Variants in PDE1C observed in about 807,000 individuals in gnomAD.
The protein encoded by PDE1C is phosphodiesterase 1C.
In PDE1C, 62 loss-of-function variants were observed where a neutral mutation model predicts 93.1. The observed-to-expected ratio is 0.67, with a 90% CI of 0.54 to 0.82. The LOEUF is 0.82. Among genes scored for constraint, PDE1C ranks in the 40% least tolerant of loss-of-function variants. The pLI, the probability that PDE1C is intolerant of heterozygous loss-of-function variation, is 0.00. For missense variants in PDE1C, 742 were observed against 884.6 expected (o/e 0.84, Z 2.04); for synonymous variants, 325 against 310.1 (o/e 1.05, Z -0.50).
intron 2 of PDE1C, among the ~76,000 whole-genome samples, chr7:31,884,493 C>G (rs1048307509): frequency 6.6e-6 from 1 of 152,146 alleles, no homozygotes; most frequent in African/African-American, 2.4e-5. Flanking sequence ...TGGTGACCAG[C>G]TTTGTATATA....
At chr7:32,330,209 T>C (rs1378368394) in intron 1 of PDE1C, among the ~76,000 whole-genome samples, 14 of 152,230 alleles carry the variant, frequency 9.2e-5, no homozygotes, top group Admixed American at 7.2e-4. Flanking sequence ...ATGTAGGCAT[T>C]GTCTCCATTT....
At chr7:31,857,783 A>G (rs1794203477) in intron 7 of PDE1C, among the ~76,000 whole-genome samples, 1 of 152,198 alleles carries the variant, frequency 6.6e-6, no homozygotes, top group African/African-American at 2.4e-5. Context: ...AACAAATAGC[A>G]TATTCCCCAT....
chr7:31,792,342 T>G (rs1405196549), intron 16 of PDE1C, among the ~76,000 whole-genome samples: 1 of 152,018 alleles, frequency 6.6e-6, no homozygotes, highest in African/African-American at 2.4e-5. Flanking sequence ...TAGCATATGC[T>G]CAACAATATT....
intron 3 of PDE1C, among the ~76,000 whole-genome samples, chr7:32,137,366 T>C (rs757714367): frequency 6.5e-4 from 99 of 152,240 alleles, no homozygotes; most frequent in Non-Finnish European, 1.1e-3. Flanking sequence ...CAGCACCTTT[T>C]GAGTCCATGC....
chr7:31,833,827 A>G (rs558994595), intron 11 of PDE1C, among the ~76,000 whole-genome samples: 4 of 152,342 alleles, frequency 2.6e-5, no homozygotes, highest in African/African-American at 9.6e-5. Context: ...ATAGAAAAGA[A>G]AAACCCATTT....
intron 3 of PDE1C, among the ~76,000 whole-genome samples, chr7:32,121,524 C>T (rs1799300353): frequency 6.6e-6 from 1 of 152,162 alleles, no homozygotes; most frequent in African/African-American, 2.4e-5. Flanking sequence ...AGACTAACAA[C>T]AGACCTTTCA....
At chr7:32,086,106 C>T (rs1797054526) in intron 3 of PDE1C, among the ~76,000 whole-genome samples, 1 of 150,672 alleles carries the variant, frequency 6.6e-6, no homozygotes, top group African/African-American at 2.5e-5. Context: ...TAGAAAACCC[C>T]ACTGTTTCAG....
At chr7:31,945,177 C>G (rs1398620698) in intron 2 of PDE1C, among the ~76,000 whole-genome samples, 1 of 152,168 alleles carries the variant, frequency 6.6e-6, no homozygotes, top group African/African-American at 2.4e-5. Flanking sequence ...CTGCTCTCAT[C>G]CCATAGGACA....
chr7:32,406,444 G>GGAA (rs1304354736), intron 1 of PDE1C, among the ~76,000 whole-genome samples: 1 of 150,646 alleles, frequency 6.6e-6, no homozygotes, highest in Admixed American at 6.6e-5. Context: ...ATACGAGGGA[G>GGAA]GAAAAAAATG....
At chr7:31,940,909 C>T (rs373657061) in intron 2 of PDE1C, among the ~76,000 whole-genome samples, 2 of 151,974 alleles carry the variant, frequency 1.3e-5, no homozygotes, top group African/African-American at 4.8e-5. Flanking sequence ...CTTTGCTCTG[C>T]CCACCTCAGC....
intron 2 of PDE1C, among the ~76,000 whole-genome samples, chr7:32,018,424 G>A (rs1039049725): frequency 3.3e-5 from 5 of 152,122 alleles, no homozygotes; most frequent in African/African-American, 1.2e-4. Context: ...CAACCACAAT[G>A]TCCATCAATT....
intron 1 of PDE1C, among the ~76,000 whole-genome samples, chr7:32,242,899 G>A (rs1287234327): frequency 1.3e-5 from 2 of 152,192 alleles, no homozygotes; most frequent in Admixed American, 6.5e-5. Context: ...GAGAGAATGA[G>A]AGCTGTACAA....
At chr7:32,081,016 G>A (rs1289422563) in intron 3 of PDE1C, among the ~76,000 whole-genome samples, 4 of 152,160 alleles carry the variant, frequency 2.6e-5, no homozygotes, top group African/African-American at 7.2e-5. Context: ...GAAACTTAGG[G>A]ACACAATTTA....
At chr7:32,422,176 C>T (rs1051169900) in intron 1 of PDE1C, among the ~76,000 whole-genome samples, 13 of 152,168 alleles carry the variant, frequency 8.5e-5, no homozygotes, top group African/African-American at 3.1e-4. Context: ...CTTGAGAAGG[C>T]TGCTCGTGTC....
chr7:31,770,296 A>G (rs2128621886), intron 17 of PDE1C, among the ~76,000 whole-genome samples: 1 of 152,236 alleles, frequency 6.6e-6, no homozygotes, highest in Middle Eastern at 3.4e-3. Context: ...TTCTGGATAC[A>G]AGATCCTCAT....
At chr7:31,856,321 G>A (rs73686989) in intron 7 of PDE1C, among the ~76,000 whole-genome samples, 224 of 152,340 alleles carry the variant, frequency 1.5e-3, no homozygotes, top group African/African-American at 5.1e-3. Context: ...TTCAAAGAGA[G>A]AGTAGGTAGG....
intron 2 of PDE1C, among the ~76,000 whole-genome samples, chr7:32,196,991 A>G (rs1804669168): frequency 2.0e-5 from 3 of 152,194 alleles, no homozygotes; most frequent in African/African-American, 7.2e-5. Flanking sequence ...AGAAATTATG[A>G]GTCCAGTTTG....
chr7:31,822,279 C>T (rs1583473731), intron 14 of PDE1C, among the ~76,000 whole-genome samples: 1 of 152,002 alleles, frequency 6.6e-6, no homozygotes, highest in African/African-American at 2.4e-5. Flanking sequence ...CTCCCAGAGC[C>T]ACCATGTCTT....
At chr7:32,067,372 G>C (rs183901628) in intron 1 of PDE1C, among the ~76,000 whole-genome samples, 1,648 of 152,306 alleles carry the variant, frequency 0.011, 33 homozygotes, top group African/African-American at 0.038. Flanking sequence ...ATTCTAGCTG[G>C]AGGAGACAGA....
Sources: gnomAD v4.1 joint callset for allele counts (sites outside exome capture counted in the v4.1 genomes callset) on GRCh38, gnomAD v4.1.1 for gene constraint, MANE v1.5 for transcripts, NCBI Gene and HGNC (gene_info 2026-07-23, HGNC 2026-07-21) for gene names.